The following EML6 variants were observed in gnomAD, a reference collection of about 807,000 sequenced individuals.
EML6 encodes echinoderm microtubule-associated protein-like 6.
In EML6, 154 loss-of-function variants were observed where a neutral mutation model predicts 240.1. That is an observed-to-expected ratio of 0.64 (90% confidence interval 0.56 to 0.73). EML6 has a LOEUF of 0.73. Among genes scored for constraint, EML6 ranks in the 30% least tolerant of loss-of-function variants. The pLI is 0.00. For synonymous variants in EML6, 1,148 were observed against 899.0 expected (o/e 1.28, Z -4.95); for missense variants, 2,964 against 2,474.6 (o/e 1.20, Z -4.20).
At chr2:54,760,125 T>G (rs1228973146) in intron 2 of EML6, among the ~76,000 whole-genome samples, 2 of 151,836 alleles carry the variant, frequency 1.3e-5, no homozygotes, top group Non-Finnish European at 2.9e-5. Context: ...GTCTTAGATT[T>G]ATTTAGTGTT....
At chr2:54,820,894 G>GTTTGTACTGT (rs1668303037) in intron 5 of EML6, among the ~76,000 whole-genome samples, 2 of 152,244 alleles carry the variant, frequency 1.3e-5, no homozygotes, top group East Asian at 1.9e-4. Flanking sequence ...TGGAAATAGA[G>GTTTGTACTGT]GAATTCACAG....
At chr2:54,939,850 A>C (rs768945581) in intron 28 of EML6, among the ~76,000 whole-genome samples, 14 of 152,196 alleles carry the variant, frequency 9.2e-5, no homozygotes, top group Non-Finnish European at 1.9e-4. Flanking sequence ...GAACCATTTC[A>C]CTTCACAAAC....
Position 54,895,394 on chromosome 2 carries a change from TG to T in EML6, c.2977del (p.Val993PhefsTer24). On this transcript the variant is annotated frameshift_variant, in exon 21 of 42. Transcript: ENST00000356458. LOFTEE classifies it high-confidence loss of function. ...IDKSGPMTLL[V>X]QGHMEGEVWG... ...ATAAGAGTGGCCCAATGACACTGCTTGTTCAGGTACTGTTTGTATGTATTCT... is the reference window on the plus strand; with the variant it reads ...ATAAGAGTGGCCCAATGACACTGCTTTTCAGGTACTGTTTGTATGTATTCT... 6.4e-7 allele frequency: 1 copy of T among 1,551,946 alleles called. No homozygotes were observed. Among genetic ancestry groups the T allele is most frequent in the Non-Finnish European group, 8.7e-7 (1 of 1,146,936 alleles).
At position 54,957,879 on chromosome 2, in the gene EML6, G is replaced by A. The variant is rs1676306772; in HGVS notation, c.4576G>A (p.Gly1526Arg). ...CTCAGACACGCAGTTTGTATCTGTC[G>A]GGGTCAAACATATGAAGTTCTGGAC... Reference protein sequence around the residue: ...PDSDTQFVSVGVKHMKFWTLA... With the variant: ...PDSDTQFVSVRVKHMKFWTLA... Residue 1526 changes from glycine (G) to arginine (R), a missense_variant, in exon 33 of 42, where the codon GGG (glycine) becomes AGG (arginine). Physicochemically the swap from Gly to Arg is moderately radical, Grantham distance 125 (BLOSUM62 -2). Coordinates refer to ENST00000356458, the MANE Select transcript of EML6 (RefSeq NM_001039753.4). The A allele has an allele frequency of 5.2e-6, 8 of 1,551,276 alleles. No individual in the cohort carries two copies. Among genetic ancestry groups the A allele is most frequent in the Admixed American group, 2.0e-5 (1 of 50,982 alleles).
At chr2:54,736,670 C>T (rs556614650) in intron 2 of EML6, among the ~76,000 whole-genome samples, 1 of 152,316 alleles carries the variant, frequency 6.6e-6, no homozygotes, top group South Asian at 2.1e-4. Context: ...CGTGCTTAAC[C>T]TCTTCACAGC....
chr2:54,786,291 T>G (rs1005180044), intron 2 of EML6, among the ~76,000 whole-genome samples: 4 of 152,176 alleles, frequency 2.6e-5, no homozygotes, highest in Admixed American at 2.6e-4. Flanking sequence ...TTTGCTACTC[T>G]TATCTTAAAC....
At chr2:54,939,018 C>T (rs1415307965) in intron 28 of EML6, among the ~76,000 whole-genome samples, 2 of 152,236 alleles carry the variant, frequency 1.3e-5, no homozygotes, top group East Asian at 1.9e-4. Context: ...CTGTTTTATA[C>T]ACTGCTTTAT....
At chr2:54,965,659 C>T (rs144224768) in intron 38 of EML6, among the ~76,000 whole-genome samples, 6 of 152,192 alleles carry the variant, frequency 3.9e-5, no homozygotes, top group Admixed American at 3.9e-4. Flanking sequence ...TGTCTTCCTG[C>T]ACTAAGTCAC....
intron 22 of EML6, among the ~76,000 whole-genome samples, chr2:54,900,049 C>G (rs751183552): frequency 6.6e-6 from 1 of 152,214 alleles, no homozygotes; most frequent in Non-Finnish European, 1.5e-5. Context: ...TGTCCTTCCT[C>G]TTCTCATTGA....
chr2:54,934,545 T>C (rs1675035912), intron 28 of EML6, among the ~76,000 whole-genome samples: 1 of 151,998 alleles, frequency 6.6e-6, no homozygotes. Flanking sequence ...TATATACATA[T>C]ATATATATTT....
chr2:54,795,781 G>C (rs956816025), intron 2 of EML6, among the ~76,000 whole-genome samples: 6 of 152,198 alleles, frequency 3.9e-5, no homozygotes, highest in Non-Finnish European at 7.3e-5. Context: ...CTTAATACTT[G>C]AGTGAGCCTG....
intron 7 of EML6, among the ~76,000 whole-genome samples, chr2:54,830,250 G>A (rs1668800511): frequency 6.6e-6 from 1 of 152,160 alleles, no homozygotes; most frequent in Non-Finnish European, 1.5e-5. Context: ...AAATAGGTAA[G>A]ACAAGAGGAA....
At chr2:54,726,606 G>A (rs936658395) in intron 2 of EML6, among the ~76,000 whole-genome samples, 25 of 152,130 alleles carry the variant, frequency 1.6e-4, no homozygotes, top group Non-Finnish European at 2.8e-4. Context: ...TTCATGTCAC[G>A]TATGACACAA....
intron 26 of EML6, among the ~76,000 whole-genome samples, chr2:54,925,752 C>T (rs902869930): frequency 6.6e-6 from 1 of 152,190 alleles, no homozygotes; most frequent in African/African-American, 2.4e-5. Context: ...GTACCTTAAA[C>T]CATGGACCAG....
At chr2:54,938,725 G>A (rs1343424753) in intron 28 of EML6, among the ~76,000 whole-genome samples, 1 of 152,232 alleles carries the variant, frequency 6.6e-6, no homozygotes, top group African/African-American at 2.4e-5. Context: ...TCAGCACAAT[G>A]TGATGGGTTC....
chr2:54,782,978 T>C (rs13033894), intron 2 of EML6, among the ~76,000 whole-genome samples: 31,878 of 152,252 alleles, frequency 0.21, 3,710 homozygotes, highest in Middle Eastern at 0.32. Context: ...GTCTAATATA[T>C]AGCAAGAGCC....
chr2:54,751,859 A>G (rs552058866), intron 2 of EML6, among the ~76,000 whole-genome samples: 51 of 152,344 alleles, frequency 3.3e-4, no homozygotes, highest in Admixed American at 2.8e-3. Flanking sequence ...TATCAAAAAG[A>G]GGATGAAACT....
intron 28 of EML6, among the ~76,000 whole-genome samples, chr2:54,933,382 A>G (rs1409307088): frequency 2.6e-5 from 4 of 152,190 alleles, no homozygotes; most frequent in South Asian, 2.1e-4. Flanking sequence ...GAAAATGTCT[A>G]TTACAGTTCA....
intron 2 of EML6, among the ~76,000 whole-genome samples, chr2:54,736,191 T>C (rs1339380138): frequency 6.6e-6 from 1 of 152,244 alleles, no homozygotes; most frequent in Non-Finnish European, 1.5e-5. Context: ...CCACAAGTTA[T>C]GGAGACCAGT....
Sources: allele counts gnomAD v4.1 joint callset (sites outside exome capture counted in the v4.1 genomes callset), GRCh38; gene constraint gnomAD v4.1.1; transcripts MANE v1.5; gene names NCBI Gene and HGNC (gene_info 2026-07-23, HGNC 2026-07-21).